DIP2A: variants seen among roughly 807,000 people sequenced by gnomAD.
DIP2A encodes the protein disco-interacting protein 2 homolog A.
Under a neutral mutation model 177.4 loss-of-function variants are expected in DIP2A, and 85 were observed. The observed-to-expected ratio is 0.48, with a 90% CI of 0.40 to 0.57. The LOEUF (loss-of-function observed/expected upper bound fraction) is 0.57. Among genes scored for constraint, DIP2A ranks in the 20% least tolerant of loss-of-function variants. DIP2A has a pLI of 0.00. For missense variants in DIP2A, 1,791 were observed against 2,100.2 expected, an observed-to-expected ratio of 0.85 and a Z score of 2.88; for synonymous variants, 886 against 881.8, an observed-to-expected ratio of 1.00 and a Z score of -0.08.
chr21:46,496,531 A>G (rs894388029), intron 3 of DIP2A, among the ~76,000 whole-genome samples: 52 of 152,348 alleles, frequency 3.4e-4, no homozygotes, highest in African/African-American at 1.2e-3. Flanking sequence ...ATCCTGGGCC[A>G]CACATAAAAT....
chr21:46,480,722 G>T (rs1470726009), intron 1 of DIP2A, among the ~76,000 whole-genome samples: 1 of 152,198 alleles, frequency 6.6e-6, no homozygotes, highest in African/African-American at 2.4e-5. Context: ...CAGCTCACTT[G>T]GGTCCAAGGT....
chr21:46,567,753 T>C lies in DIP2A; in HGVS notation c.*131T>C. Reference sequence around the variant, plus strand: ...TGCTCTTACAGATCCCTCTCAACAATCCCCGCATCTCCTTTTAGAAAGCAC... The same window carrying C: ...TGCTCTTACAGATCCCTCTCAACAACCCCCGCATCTCCTTTTAGAAAGCAC... On this transcript the variant is annotated 3_prime_UTR_variant, in exon 38 of 38. Transcript: ENST00000417564. 1 of 1,047,936 alleles carries C rather than the reference T, an allele frequency of 9.5e-7. No homozygotes were observed. Among genetic ancestry groups the C allele is most frequent in the African/African-American group, 1.6e-5 (1 of 61,910 alleles). 64.9% of individuals were successfully genotyped at this position (1,047,936 alleles called of 1,614,324 possible). A position where few individuals can be genotyped will look rare whatever the true frequency, so the allele number is the denominator to read the frequency against.
Position 46,511,561 on chromosome 21 carries a change from CCT to C in DIP2A, c.1050_1051del (p.Cys351SerfsTer18), listed in dbSNP as rs1275924716. On this transcript the variant is annotated frameshift_variant, in exon 8 of 38. Coordinates refer to ENST00000417564, the MANE Select transcript of DIP2A (RefSeq NM_015151.4). LOFTEE classifies it high-confidence loss of function. The stretch of plus-strand genomic sequence containing the variant: ...TGGGGCACAACACAGCCCAAATCCC[CCT>C]GTCTGACTGCCTTGGATACAACTGG... 7 of 1,592,680 alleles carry C rather than the reference CCT, an allele frequency of 4.4e-6. No homozygotes were observed. Among genetic ancestry groups the C allele is most frequent in the South Asian group, 1.1e-5 (1 of 88,164 alleles).
chr21:46,568,355 C>G lies in DIP2A; in HGVS notation c.*733C>G, dbSNP rs1441752582. 1 of 152,136 alleles carries G rather than the reference C, an allele frequency of 6.6e-6. No homozygotes were observed. The highest frequency in any genetic ancestry group is 1.5e-5 in the Non-Finnish European group (1 of 68,064). The allele number at this position is 152,136 out of a possible 1,614,324, so 9.4% of individuals were successfully genotyped here. On this transcript the variant is annotated 3_prime_UTR_variant, in exon 38 of 38. Coordinates refer to ENST00000417564, the MANE Select transcript of DIP2A (RefSeq NM_015151.4). ...CTAACATGGTGAAACCCTGTCTCTA[C>G]TAAAAATACAAAAAATTAGCCGGGT...
At chr21:46,478,269 A>G (rs1342177806) in intron 1 of DIP2A, among the ~76,000 whole-genome samples, 2 of 151,530 alleles carry the variant, frequency 1.3e-5, no homozygotes, top group Non-Finnish European at 2.9e-5. Flanking sequence ...CTGGAGTGCA[A>G]TGGCGCGATC....
At chr21:46,494,334 C>T (rs1431479807) in intron 3 of DIP2A, among the ~76,000 whole-genome samples, 3 of 152,178 alleles carry the variant, frequency 2.0e-5, no homozygotes, top group Non-Finnish European at 4.4e-5. Flanking sequence ...TTTTAGGTCA[C>T]TAGGTTTGAT....
At chr21:46,575,872 T>C in the DIP2A span, among the ~76,000 whole-genome samples, 12 of 152,336 alleles carry the variant, frequency 7.9e-5, no homozygotes, top group African/African-American at 2.9e-4. Flanking sequence ...ATTCTAATTA[T>C]GGTTTTTGCA....
Position 46,561,820 on chromosome 21 carries a change from G to A in DIP2A, c.4089+15G>A. 6.2e-7 allele frequency: 1 copy of A among 1,613,770 alleles called. No individual in the cohort carries two copies. The highest frequency in any genetic ancestry group is 8.5e-7 in the Non-Finnish European group (1 of 1,179,722). ...AGTCTGGAAAGGTAGTGGAAACCAA[G>A]ACGCGTGCATTCTGAGTCGCGTCTG... On this transcript the variant is annotated intron_variant, in intron 34 of 37. Coordinates refer to ENST00000417564, the MANE Select transcript of DIP2A (RefSeq NM_015151.4).
At chr21:46,562,766 G>T (rs547406625) in intron 34 of DIP2A, among the ~76,000 whole-genome samples, 1 of 152,292 alleles carries the variant, frequency 6.6e-6, no homozygotes, top group South Asian at 2.1e-4. Flanking sequence ...CACTTCAGGC[G>T]GTAGACCAGC....
At chr21:46,467,274 C>T (rs2054918319) in intron 1 of DIP2A, among the ~76,000 whole-genome samples, 1 of 131,014 alleles carries the variant, frequency 7.6e-6, no homozygotes, top group Non-Finnish European at 1.5e-5. Context: ...CCAGCCTGGG[C>T]TACAGAGCGA....
At chr21:46,461,688 G>C (rs2054327209) in intron 1 of DIP2A, among the ~76,000 whole-genome samples, 1 of 152,152 alleles carries the variant, frequency 6.6e-6, no homozygotes, top group Non-Finnish European at 1.5e-5. Context: ...GGGATGTATA[G>C]GTAAGTAAAG....
intron 23 of DIP2A, among the ~76,000 whole-genome samples, chr21:46,551,089 C>T (rs1037504008): frequency 6.6e-6 from 1 of 152,182 alleles, no homozygotes; most frequent in African/African-American, 2.4e-5. Context: ...TGGAGCTGGA[C>T]GAGCTGGACA....
intron 35 of DIP2A, among the ~76,000 whole-genome samples, chr21:46,564,726 A>G (rs2060780257): frequency 6.6e-6 from 1 of 152,186 alleles, no homozygotes; most frequent in South Asian, 2.1e-4. Flanking sequence ...CCAGAGGGAA[A>G]TCACTCAGCC....
Position 46,538,567 on chromosome 21 carries a change from T to C in DIP2A, c.1886T>C (p.Leu629Pro). The C allele has an allele frequency of 6.4e-7, 1 of 1,562,674 alleles. No individual in the cohort carries two copies. The highest frequency in any genetic ancestry group is 1.2e-5 in the South Asian group (1 of 84,658). Residue 629 changes from leucine to proline, a missense_variant, in exon 16 of 38, where the codon CTG becomes CCG. Leu to Pro is a moderately conservative substitution (Grantham distance 98, BLOSUM62 -3). Transcript: ENST00000417564. ...RGQRDVSLSSLRMLIVADGAN... is the reference protein window; with the variant it reads ...RGQRDVSLSSPRMLIVADGAN... ...CAGAGGGACGTCAGCCTCAGCTCAC[T>C]GCGCATGCTGATTGTGGCCGATGGT... is the stretch of plus-strand genomic sequence containing the variant.
chr21:46,525,540 T>C (rs1218499220), intron 8 of DIP2A: 1 of 152,208 alleles, frequency 6.6e-6, no homozygotes, highest in Non-Finnish European at 1.5e-5. Flanking sequence ...ACTGTCTTAA[T>C]TGCCATAGTT....
intron 32 of DIP2A, among the ~76,000 whole-genome samples, chr21:46,560,269 G>T (rs1468062372): frequency 1.3e-5 from 2 of 152,194 alleles, no homozygotes; most frequent in Non-Finnish European, 2.9e-5. Context: ...GAAAGGAAGA[G>T]AGTAGAAAGG....
At chr21:46,510,380 A>G (rs184293046) in intron 7 of DIP2A, among the ~76,000 whole-genome samples, 22 of 152,208 alleles carry the variant, frequency 1.4e-4, no homozygotes, top group Admixed American at 1.4e-3. Context: ...TCCTTTGGCA[A>G]CACCCTCACA....
At position 46,537,625 on chromosome 21, in the gene DIP2A, T is replaced by C. The variant is rs1664082523; in HGVS notation, c.1801+86T>C. On this transcript the variant is annotated intron_variant, in intron 15 of 37. Transcript: ENST00000417564. The surrounding 1 kb of genome is among the most constrained non-coding windows in gnomAD (Gnocchi z 4.1). The stretch of plus-strand genomic sequence containing the variant: ...TTTGGTGCTTAAGAAAAAATAAAGC[T>C]GACATGTGGAACTGCAGATGTAGGC... 1 of 1,343,594 alleles carries C rather than the reference T, an allele frequency of 7.4e-7. No individual in the cohort carries two copies. The highest frequency in any genetic ancestry group is 1.5e-5 in the African/African-American group (1 of 68,762). 83.2% of individuals were successfully genotyped at this position (1,343,594 alleles called of 1,614,324 possible).
chr21:46,462,931 T>G (rs1358682164), intron 1 of DIP2A: 1 of 152,200 alleles, frequency 6.6e-6, no homozygotes, highest in Non-Finnish European at 1.5e-5. Flanking sequence ...TGAGGGAAGG[T>G]TCTGGTAGAA....
Sources: allele counts gnomAD v4.1 joint callset (sites outside exome capture counted in the v4.1 genomes callset), GRCh38; gene constraint gnomAD v4.1.1; non-coding constraint Gnocchi (gnomAD v3.1); transcripts MANE v1.5; gene names NCBI Gene and HGNC (gene_info 2026-07-23, HGNC 2026-07-21).